Variants in PHKB observed in about 807,000 individuals in gnomAD.
PHKB encodes phosphorylase kinase regulatory subunit beta, also known as phosphorylase b kinase regulatory subunit beta.
In PHKB, 122 loss-of-function variants were observed where a neutral mutation model predicts 152.1. The observed-to-expected ratio is 0.80, with a 90% CI of 0.69 to 0.93. The LOEUF is 0.93. Ranked by LOEUF, PHKB falls within the 40% of genes least tolerant of loss-of-function variation. PHKB has a pLI of 0.00. For missense variants in PHKB, 1,304 were observed against 1,328.4 expected (o/e 0.98, Z 0.29); for synonymous variants, 436 against 464.9 (o/e 0.94, Z 0.80).
chr16:47,650,448 A>T, intron 18 of PHKB, 96 bp from the exon 19 acceptor site: 1 of 767,474 alleles, frequency 1.3e-6, no homozygotes, highest in Non-Finnish European at 2.4e-6. Flanking sequence ...CTGTCTTGCT[A>T]CATAAGAATT....
At chr16:47,602,562 T>TC (rs1972248926) in intron 13 of PHKB, among the ~76,000 whole-genome samples, 2 of 140,508 alleles carry the variant, frequency 1.4e-5, no homozygotes, top group East Asian at 4.1e-4. Context: ...TTTTTTTTTT[T>TC]CTTTTCTTAC....
chr16:47,652,815 T>C lies in PHKB; in HGVS notation c.1971+1894T>C, dbSNP rs1284406763. ...ATGCCGCCATGCCCAACTAATTTTT[T>C]AGTTTTTTGTAGAGACAGCATCTTG... On this transcript the variant is annotated intron_variant, in intron 20 of 30. Transcript: ENST00000323584. 1.3e-5 allele frequency among the ~76,000 whole-genome samples: 2 copies of C among 152,014 alleles called. 1 individual carries two copies. Among genetic ancestry groups the C allele is most frequent in the African/African-American group, 4.8e-5 (2 of 41,390 alleles).
At chr16:47,629,116 A>G (rs1232751082) in intron 14 of PHKB, among the ~76,000 whole-genome samples, 1 of 152,238 alleles carries the variant, frequency 6.6e-6, no homozygotes, top group Admixed American at 6.5e-5. Flanking sequence ...GGCATGGGCA[A>G]GGACTGCATG....
At chr16:47,605,605 G>A (rs560411550) in intron 13 of PHKB, among the ~76,000 whole-genome samples, 1 of 152,204 alleles carries the variant, frequency 6.6e-6, no homozygotes, top group South Asian at 2.1e-4. Flanking sequence ...TGCCTATCTA[G>A]AATATCAGTG....
chr16:47,634,363 C>T (rs752504781), intron 14 of PHKB, among the ~76,000 whole-genome samples: 2 of 152,172 alleles, frequency 1.3e-5, no homozygotes, highest in Non-Finnish European at 2.9e-5. Flanking sequence ...GAGAAACTTG[C>T]ATGGGCAGTC....
At chr16:47,579,432 A>T (rs575787703) in intron 7 of PHKB, among the ~76,000 whole-genome samples, 2 of 152,328 alleles carry the variant, frequency 1.3e-5, no homozygotes, top group South Asian at 4.1e-4. Context: ...GTTCCCAGGT[A>T]ATACTGAAGG....
intron 26 of PHKB, among the ~76,000 whole-genome samples, chr16:47,687,435 C>G (rs1973984247): frequency 6.6e-6 from 1 of 152,170 alleles, no homozygotes; most frequent in Admixed American, 6.5e-5. Flanking sequence ...TAAAGAAAGC[C>G]TAGTCTTTGC....
chr16:47,632,379 A>G (rs1488261267), intron 14 of PHKB, among the ~76,000 whole-genome samples: 3 of 152,222 alleles, frequency 2.0e-5, no homozygotes, highest in African/African-American at 7.2e-5. Context: ...ACAAAATGGA[A>G]TACCAAGCAG....
intron 14 of PHKB, among the ~76,000 whole-genome samples, chr16:47,618,656 CT>C (rs1555490648): frequency 6.6e-6 from 1 of 152,132 alleles, no homozygotes; most frequent in Non-Finnish European, 1.5e-5. Context: ...ATCCTTTATT[CT>C]TATAAACAGG....
chr16:47,538,940 G>A (rs1195206490), intron 6 of PHKB, among the ~76,000 whole-genome samples: 1 of 152,112 alleles, frequency 6.6e-6, no homozygotes, highest in African/African-American at 2.4e-5. Context: ...GGTGAGACAT[G>A]TGTATTACCA....
At chr16:47,591,576 C>T (rs1195493759) in intron 10 of PHKB, among the ~76,000 whole-genome samples, 1 of 152,064 alleles carries the variant, frequency 6.6e-6, no homozygotes, top group African/African-American at 2.4e-5. Flanking sequence ...TCCTCTTCTG[C>T]CCCCTCTTAA....
chr16:47,469,001 C>G (rs1283382471), intron 1 of PHKB, among the ~76,000 whole-genome samples: 2 of 152,178 alleles, frequency 1.3e-5, no homozygotes, highest in East Asian at 3.9e-4. Flanking sequence ...AGCCCCCAGA[C>G]ACATCACTCT....
intron 7 of PHKB, among the ~76,000 whole-genome samples, chr16:47,555,928 CT>C (rs999337729): frequency 3.9e-5 from 6 of 152,122 alleles, no homozygotes; most frequent in African/African-American, 1.4e-4. Context: ...TCTTCCATTT[CT>C]TTGTATCCTC....
At chr16:47,591,805 A>G (rs963855116) in intron 10 of PHKB, among the ~76,000 whole-genome samples, 1 of 152,100 alleles carries the variant, frequency 6.6e-6, no homozygotes, top group Admixed American at 6.5e-5. Context: ...CCCGAGCCCT[A>G]TACCTGAGAG....
intron 2 of PHKB, among the ~76,000 whole-genome samples, chr16:47,498,767 T>A (rs1358389946): frequency 6.6e-6 from 1 of 152,142 alleles, no homozygotes; most frequent in Non-Finnish European, 1.5e-5. Context: ...CCTGGCATGG[T>A]GGCGATTGCC....
intron 1 of PHKB, among the ~76,000 whole-genome samples, chr16:47,466,634 C>T (rs7200023): frequency 0.02 from 3,091 of 152,210 alleles, 103 homozygotes; most frequent in African/African-American, 0.07. Flanking sequence ...TTACTTGTTT[C>T]TCTTTATGTT....
intron 1 of PHKB, among the ~76,000 whole-genome samples, chr16:47,475,651 G>C (rs1567271460): frequency 6.6e-6 from 1 of 152,122 alleles, no homozygotes; most frequent in Admixed American, 6.5e-5. Context: ...CCCATTTGGT[G>C]ACATTTCTCT....
chr16:47,641,344 G>A (rs1973017999), intron 15 of PHKB, among the ~76,000 whole-genome samples: 1 of 152,170 alleles, frequency 6.6e-6, no homozygotes, highest in Admixed American at 6.5e-5. Flanking sequence ...GTAGTTTCGA[G>A]AAATTCATGC....
Position 47,565,220 on chromosome 16 carries a change from T to A in PHKB, c.711-15075T>A, listed in dbSNP as rs1429371122. On this transcript the variant is annotated intron_variant, in intron 7 of 30. Coordinates refer to ENST00000323584, the MANE Select transcript of PHKB (RefSeq NM_000293.3). ...AGGTGCAGATCTGGACTCTTGATCC[T>A]TTTTGCCATCTTTCCTATCTGACTC... 10 of 651,972 alleles carry A rather than the reference T, an allele frequency of 1.5e-5. No homozygotes were observed. The East Asian group carries it at 2.7e-4, about 17-fold the overall frequency. The allele number at this position is 651,972 out of a possible 1,614,324, so 40.4% of individuals were successfully genotyped here. A position where few individuals can be genotyped will look rare whatever the true frequency, so the allele number is the denominator to read the frequency against.
Sources: gnomAD v4.1 joint callset for allele counts (sites outside exome capture counted in the v4.1 genomes callset) on GRCh38, gnomAD v4.1.1 for gene constraint, MANE v1.5 for transcripts, NCBI Gene and HGNC (gene_info 2026-07-23, HGNC 2026-07-21) for gene names.